CNTN4: variants seen among roughly 807,000 people sequenced by gnomAD.
CNTN4 encodes contactin-4.
Under a neutral mutation model 122.5 loss-of-function variants are expected in CNTN4, and 77 were observed. The ratio of observed to expected loss-of-function variants is 0.63; its 90% CI spans 0.52 to 0.76. The LOEUF is 0.76. Among genes scored for constraint, CNTN4 ranks in the 30% least tolerant of loss-of-function variants. The probability of loss-of-function intolerance (pLI) is 0.00; values close to 1 mark genes in which losing one functional copy is unlikely to be tolerated. For missense variants in CNTN4, 1,256 were observed against 1,259.1 expected, an observed-to-expected ratio of 1.00 and a Z score of 0.04; for synonymous variants, 512 against 447.0, an observed-to-expected ratio of 1.15 and a Z score of -1.83.
At chr3:2,236,599 T>C (rs997582897) in intron 2 of CNTN4, among the ~76,000 whole-genome samples, 1 of 152,208 alleles carries the variant, frequency 6.6e-6, no homozygotes, top group Non-Finnish European at 1.5e-5. Flanking sequence ...TACTTTTTGT[T>C]TGGAGGCTCA....
intron 3 of CNTN4, among the ~76,000 whole-genome samples, chr3:2,533,273 T>A (rs909119161): frequency 4.6e-5 from 7 of 151,878 alleles, no homozygotes; most frequent in African/African-American, 9.7e-5. Flanking sequence ...TCCTAATGCT[T>A]TCCCTCCCCC....
At chr3:2,552,398 C>T (rs774784702) in intron 3 of CNTN4, among the ~76,000 whole-genome samples, 2 of 152,146 alleles carry the variant, frequency 1.3e-5, no homozygotes, top group Non-Finnish European at 2.9e-5. Context: ...CCACCAGAAA[C>T]ATTTGTCTGC....
intron 8 of CNTN4, among the ~76,000 whole-genome samples, chr3:2,868,575 G>C (rs532376235): frequency 6.6e-6 from 1 of 152,258 alleles, no homozygotes; most frequent in Non-Finnish European, 1.5e-5. Context: ...TCTGAAGAGA[G>C]GGTCTGAGCA....
At chr3:2,622,501 C>T (rs1343395451) in intron 4 of CNTN4, among the ~76,000 whole-genome samples, 1 of 152,072 alleles carries the variant, frequency 6.6e-6, no homozygotes, top group Non-Finnish European at 1.5e-5. Flanking sequence ...AGGCTGGTCT[C>T]GAACTCCTGA....
chr3:2,476,930 C>T (rs1559588690), intron 3 of CNTN4, among the ~76,000 whole-genome samples: 1 of 151,984 alleles, frequency 6.6e-6, no homozygotes, highest in Non-Finnish European at 1.5e-5. Context: ...CTATAGGACC[C>T]TGTATTTGAA....
At chr3:2,695,917 G>T (rs2086006072) in intron 4 of CNTN4, among the ~76,000 whole-genome samples, 3 of 152,188 alleles carry the variant, frequency 2.0e-5, no homozygotes, top group Non-Finnish European at 4.4e-5. Flanking sequence ...AATCAGTATA[G>T]GGTGGTAGGG....
chr3:2,882,208 C>CA (rs760277822), intron 8 of CNTN4, among the ~76,000 whole-genome samples: 12 of 151,798 alleles, frequency 7.9e-5, no homozygotes, highest in East Asian at 3.9e-4. Context: ...ACTAAAAATA[C>CA]AAAAAAATTA....
At chr3:2,125,894 G>GGTGT (rs61706367) in intron 2 of CNTN4, among the ~76,000 whole-genome samples, 21,075 of 143,198 alleles carry the variant, frequency 0.15, 1,581 homozygotes, top group South Asian at 0.21. Context: ...TTTTATTTCT[G>GGTGT]GTGTGTGTGT....
intron 2 of CNTN4, among the ~76,000 whole-genome samples, chr3:2,281,863 T>C (rs1158258942): frequency 6.6e-6 from 1 of 152,194 alleles, no homozygotes; most frequent in East Asian, 1.9e-4. Context: ...ACTAGAAGTT[T>C]GGTATTCGTG....
intron 2 of CNTN4, among the ~76,000 whole-genome samples, chr3:2,120,374 A>AATATATATATAT (rs1185851358): frequency 3.4e-4 from 20 of 59,086 alleles, no homozygotes; most frequent in East Asian, 8.5e-4. Flanking sequence ...TATATATATA[A>AATATATATATAT]ATATATATAT....
chr3:2,279,132 A>G (rs1049972129), intron 2 of CNTN4, among the ~76,000 whole-genome samples: 1 of 152,120 alleles, frequency 6.6e-6, no homozygotes, highest in Admixed American at 6.5e-5. Flanking sequence ...AAACAAAACT[A>G]ATAATCAAAA....
chr3:2,701,405 C>A (rs906542265), intron 4 of CNTN4, among the ~76,000 whole-genome samples: 22 of 152,188 alleles, frequency 1.4e-4, no homozygotes, highest in African/African-American at 5.1e-4. Flanking sequence ...GTGAGGATAA[C>A]AGCACACAAA....
At chr3:2,105,861 C>T (rs908093813) in intron 2 of CNTN4, among the ~76,000 whole-genome samples, 22 of 152,188 alleles carry the variant, frequency 1.4e-4, no homozygotes, top group African/African-American at 5.3e-4. Flanking sequence ...AGGCAAGTCC[C>T]TTCTACCTAT....
intron 15 of CNTN4, among the ~76,000 whole-genome samples, chr3:3,027,963 A>G (rs764274771): frequency 2.6e-5 from 4 of 152,212 alleles, no homozygotes; most frequent in Non-Finnish European, 4.4e-5. Flanking sequence ...ACACCAATCA[A>G]CTTCTGCTGA....
At chr3:2,356,155 A>G (rs1169610635) in intron 3 of CNTN4, among the ~76,000 whole-genome samples, 1 of 152,186 alleles carries the variant, frequency 6.6e-6, no homozygotes, top group Non-Finnish European at 1.5e-5. Flanking sequence ...GGTCCCAATC[A>G]AGACCCTAAG....
At chr3:2,743,365 TC>T (rs1209729542) in intron 5 of CNTN4, among the ~76,000 whole-genome samples, 1 of 152,148 alleles carries the variant, frequency 6.6e-6, no homozygotes, top group Non-Finnish European at 1.5e-5. Flanking sequence ...TATTATACTT[TC>T]TTGTCTGTGT....
chr3:2,905,045 G>A (rs758204559), intron 12 of CNTN4, among the ~76,000 whole-genome samples: 7 of 152,012 alleles, frequency 4.6e-5, no homozygotes, highest in African/African-American at 7.3e-5. Context: ...GTATGTGTAC[G>A]CATAATGGCT....
chr3:2,461,351 T>TC (rs1219183357), intron 3 of CNTN4, among the ~76,000 whole-genome samples: 33 of 151,362 alleles, frequency 2.2e-4, no homozygotes, highest in African/African-American at 7.4e-4. Context: ...ATTAATTAAT[T>TC]AGTTAACATT....
intron 8 of CNTN4, among the ~76,000 whole-genome samples, chr3:2,870,499 C>G (rs1424143541): frequency 6.6e-6 from 1 of 152,102 alleles, no homozygotes; most frequent in Non-Finnish European, 1.5e-5. Flanking sequence ...GAAGAGATTG[C>G]AAAATAAAGA....
Sources: allele counts gnomAD v4.1 joint callset (sites outside exome capture counted in the v4.1 genomes callset), GRCh38; gene constraint gnomAD v4.1.1; transcripts MANE v1.5; gene names NCBI Gene and HGNC (gene_info 2026-07-23, HGNC 2026-07-21).